INTS7: variants seen among roughly 807,000 people sequenced by gnomAD.
INTS7 encodes the protein chromosome 1 open reading frame 73.
Under a neutral mutation model 109.2 loss-of-function variants are expected in INTS7, and 46 were observed. That is an observed-to-expected ratio of 0.42 (90% CI 0.33 to 0.54). INTS7 has a LOEUF of 0.54. Among genes scored for constraint, INTS7 ranks in the 20% least tolerant of loss-of-function variants. INTS7 has a pLI of 0.07. For missense variants in INTS7, 929 were observed against 1,132.4 expected, an observed-to-expected ratio of 0.82 and a Z score of 2.58; for synonymous variants, 412 against 402.9, an observed-to-expected ratio of 1.02 and a Z score of -0.27.
At chr1:211,958,515 T>C (rs910696878) in intron 16 of INTS7, among the ~76,000 whole-genome samples, 1 of 152,188 alleles carries the variant, frequency 6.6e-6, no homozygotes, top group African/African-American at 2.4e-5. Context: ...ATTTTATGTT[T>C]TCCCTGCTAG....
At chr1:211,969,814 G>A (rs1381348009) in intron 13 of INTS7, among the ~76,000 whole-genome samples, 1 of 151,854 alleles carries the variant, frequency 6.6e-6, no homozygotes, top group Non-Finnish European at 1.5e-5. Context: ...CGTCTTCCGG[G>A]TTCAAGCAAT....
chr1:211,975,441 G>A, intron 12 of INTS7, 69 bp from the exon 13 acceptor site: 1 of 1,174,748 alleles, frequency 8.5e-7, no homozygotes. Context: ...ATTTGAAAGA[G>A]TTGATGCAGC....
intron 8 of INTS7, among the ~76,000 whole-genome samples, chr1:211,987,154 A>G (rs988918851): frequency 6.6e-6 from 1 of 152,022 alleles, no homozygotes; most frequent in African/African-American, 2.4e-5. Context: ...AAAATTAGCC[A>G]GCCATGGTGG....
intron 9 of INTS7, 104 bp downstream of exon 9, chr1:211,982,572 A>G: frequency 3.7e-6 from 3 of 811,542 alleles, no homozygotes; most frequent in Non-Finnish European, 5.6e-6. Context: ...TTTGTAGATC[A>G]AGGCACACAG....
At position 212,011,421 on chromosome 1, in the gene INTS7, C is replaced by T. The variant is rs1666160463; in HGVS notation, c.510G>A (p.Lys170=). The change falls in exon 5 of 20, where the codon AAG becomes AAA. Residue 170 remains lysine, a splice_region_variant and synonymous_variant. Transcript: ENST00000366994. ...FAAANFSAQS[K]DFAVGICNKI... is the part of the protein sequence containing the mutation. ...TGTTACAGATTCCTACAGCAAAATC[C>T]CTTTGGAAAAAGAGAACAGAGAACA... 6.3e-7 allele frequency: 1 copy of T among 1,575,984 alleles called. No individual in the cohort carries two copies. The highest frequency in any genetic ancestry group is 2.2e-5 in the East Asian group (1 of 44,566).
chr1:211,980,718 C>T (rs915690876), intron 10 of INTS7, among the ~76,000 whole-genome samples: 12 of 151,750 alleles, frequency 7.9e-5, no homozygotes, highest in Non-Finnish European at 1.8e-4. Context: ...GGATTATAGG[C>T]ATGAGAGCCA....
In INTS7 at chr1:212,021,620, G is replaced by C. The variant is rs368918985; in HGVS notation, c.95-408C>G. On this transcript the variant is annotated intron_variant, in intron 1 of 19. Transcript: ENST00000366994. Reference sequence around the variant, plus strand: ...ACACTTTGGAAGGCTGGGAAAAGAAGGACTGCTTGAGCTCAGGAGTTCATG... The same window carrying C: ...ACACTTTGGAAGGCTGGGAAAAGAACGACTGCTTGAGCTCAGGAGTTCATG... 3.6e-4 allele frequency among the ~76,000 whole-genome samples: 55 copies of C among 150,754 alleles called. 2 individuals carry two copies. In the South Asian group the frequency reaches 0.011, roughly 30 times the overall value.
intron 1 of INTS7, 135 bp downstream of exon 1, chr1:212,035,209 G>A (rs1667377773): frequency 4.5e-6 from 3 of 668,900 alleles, no homozygotes; most frequent in Non-Finnish European, 8.0e-6. Flanking sequence ...CCACGCCCCA[G>A]CAAAAGCACA....
In INTS7 at chr1:212,021,133, A is replaced by T. The variant is rs764752875; in HGVS notation, c.174T>A (p.Pro58=). 6.2e-7 allele frequency: 1 copy of T among 1,612,322 alleles called. No homozygotes were observed. Among genetic ancestry groups the T allele is most frequent in the East Asian group, 2.2e-5 (1 of 44,844 alleles). ...TTAGGAATGCAGAATTGATAAGAAT[A>T]GGGAATGGATACTTCTGAAAAAGTC... is the stretch of plus-strand genomic sequence containing the variant. ...FPRLFQKYPF[P]ILINSAFLKL... is the part of the protein sequence containing the mutation. The change falls in exon 2 of 20, where the codon CCT becomes CCA. Residue 58 remains proline (P), a synonymous_variant. Transcript: ENST00000366994.
chr1:211,953,453 G>C (rs1469492360), intron 16 of INTS7, among the ~76,000 whole-genome samples: 1 of 151,306 alleles, frequency 6.6e-6, no homozygotes, highest in Admixed American at 6.6e-5. Flanking sequence ...ACAATGTGCA[G>C]GTTTGTTACA....
chr1:211,957,541 G>A (rs536995163), intron 16 of INTS7, among the ~76,000 whole-genome samples: 8 of 152,138 alleles, frequency 5.3e-5, no homozygotes, highest in Non-Finnish European at 1.0e-4. Flanking sequence ...GAGAGGATCC[G>A]TCTCAAAAAA....
intron 8 of INTS7, among the ~76,000 whole-genome samples, chr1:211,984,086 A>G (rs764820604): frequency 1.5e-4 from 23 of 152,042 alleles, no homozygotes; most frequent in Non-Finnish European, 3.2e-4. Flanking sequence ...GGCTGGTCTC[A>G]AACTCTTGGC....
intron 12 of INTS7, among the ~76,000 whole-genome samples, 185 bp downstream of exon 12, chr1:211,976,397 T>C (rs1271372195): frequency 1.3e-5 from 2 of 152,218 alleles, no homozygotes; most frequent in East Asian, 1.9e-4. Flanking sequence ...GCCAACAACA[T>C]AGATACCATT....
intron 1 of INTS7, 35 bp from the exon 2 acceptor site, chr1:212,021,247 A>G: frequency 1.9e-6 from 3 of 1,568,910 alleles, no homozygotes; most frequent in Non-Finnish European, 2.6e-6. Context: ...AGGGAAGAAC[A>G]GTTTGCATAT....
At chr1:211,961,430 CT>C (rs768933469) in intron 16 of INTS7, among the ~76,000 whole-genome samples, 271 of 143,592 alleles carry the variant, frequency 1.9e-3, no homozygotes, top group South Asian at 2.9e-3. Context: ...ATATTCAATT[CT>C]TTTTTTTTTT....
In INTS7 at chr1:211,946,839, C is replaced by A; in HGVS notation, c.2317-134G>T. On this transcript the variant is annotated intron_variant, in intron 17 of 19. Coordinates refer to ENST00000366994, the MANE Select transcript of INTS7 (RefSeq NM_015434.4). This position sits in a 1 kb window ranked among gnomAD's most constrained non-coding sequence, Gnocchi z 4.3. ...TACATACCAATCAAGAACTAGGCAT[C>A]ACATCCAGGAACTGTGCATACATAC... The A allele has an allele frequency of 1.8e-6, 1 of 564,040 alleles. No homozygotes were observed. 34.9% of individuals were successfully genotyped at this position (564,040 alleles called of 1,614,324 possible). A position where few individuals can be genotyped will look rare whatever the true frequency, so the allele number is the denominator to read the frequency against.
chr1:212,030,761 C>A (rs1277228233), intron 1 of INTS7: 1 of 152,124 alleles, frequency 6.6e-6, no homozygotes. Context: ...GCTGCTGAGG[C>A]CTTTCTCTTG....
At chr1:211,944,171 AATAG>A (rs1319379059) in intron 19 of INTS7, among the ~76,000 whole-genome samples, 5 of 152,110 alleles carry the variant, frequency 3.3e-5, no homozygotes, top group Non-Finnish European at 7.4e-5. Context: ...GAGAAAACTA[AATAG>A]ATGTGTATTT....
At chr1:212,022,362 A>C (rs1408419389) in intron 1 of INTS7, among the ~76,000 whole-genome samples, 5 of 152,370 alleles carry the variant, frequency 3.3e-5, no homozygotes, top group Middle Eastern at 3.4e-3. Context: ...ACTGTTAAGA[A>C]GACGAAAAGA....
Sources: allele counts gnomAD v4.1 joint callset (sites outside exome capture counted in the v4.1 genomes callset), GRCh38; gene constraint gnomAD v4.1.1; non-coding constraint Gnocchi (gnomAD v3.1); transcripts MANE v1.5; gene names NCBI Gene and HGNC (gene_info 2026-07-23, HGNC 2026-07-21).